The following GPHN variants were observed in gnomAD, a reference collection of about 807,000 sequenced individuals.
The protein encoded by GPHN is gephyrin.
Under a neutral mutation model 95.5 loss-of-function variants are expected in GPHN, and 17 were observed. That is an observed-to-expected ratio of 0.18 (90% confidence interval 0.12 to 0.27). The LOEUF (loss-of-function observed/expected upper bound fraction) is 0.27. GPHN is among the 10% of genes least tolerant of loss of function. GPHN has a pLI of 1.00. For missense variants in GPHN, 660 were observed against 978.1 expected, an observed-to-expected ratio of 0.67 and a Z score of 4.34; for synonymous variants, 320 against 322.5, an observed-to-expected ratio of 0.99 and a Z score of 0.08.
chr14:66,910,268 T>C (rs1478728480), intron 5 of GPHN, among the ~76,000 whole-genome samples: 1 of 152,010 alleles, frequency 6.6e-6, no homozygotes, highest in Non-Finnish European at 1.5e-5. Flanking sequence ...CTTTTTATTG[T>C]GAAAAATTTC....
At chr14:67,518,758 G>T in the GPHN span, among the ~76,000 whole-genome samples, 1 of 152,210 alleles carries the variant, frequency 6.6e-6, no homozygotes, top group Admixed American at 6.5e-5. Context: ...CTTTATGCTT[G>T]TTAGAGAGAA....
At chr14:67,577,443 G>A in the GPHN span, 211 of 1,353,360 alleles carry the variant, frequency 1.6e-4, 1 homozygote, top group African/African-American at 1.9e-3. Flanking sequence ...CAGGCCCACC[G>A]CTGGGATACT....
chr14:66,598,562 A>G (rs2062082160), intron 1 of GPHN, among the ~76,000 whole-genome samples: 1 of 152,154 alleles, frequency 6.6e-6, no homozygotes, highest in Non-Finnish European at 1.5e-5. Context: ...AGAGGTGGAA[A>G]GAGGCTGGGT....
chr14:67,473,561 G>T, the GPHN span: 5 of 1,613,552 alleles, frequency 3.1e-6, no homozygotes, highest in Admixed American at 3.3e-5. This position sits in a 1 kb window ranked among gnomAD's most constrained non-coding sequence, Gnocchi z 6.5. Context: ...ACCAGGGCAC[G>T]GCGTACTCCA....
the GPHN span, among the ~76,000 whole-genome samples, chr14:67,707,079 T>C: frequency 5.3e-5 from 8 of 152,240 alleles, no homozygotes; most frequent in Admixed American, 4.6e-4. Context: ...GTTGCTGTTA[T>C]TTTCTTCTGA....
rs1005564594 is a variant in GPHN, at chr14:67,181,494, T to G, written c.*557T>G. Reference sequence around the variant, plus strand: ...ATCCCCTGCAGAGCATCCAGGGAGGTTTCTCGCCCCAATAGCCTCACGGCA... The same window carrying G: ...ATCCCCTGCAGAGCATCCAGGGAGGGTTCTCGCCCCAATAGCCTCACGGCA... On this transcript the variant is annotated 3_prime_UTR_variant, in exon 23 of 23. Transcript: ENST00000478722. 5.8e-6 allele frequency: 3 copies of G among 517,190 alleles called. No homozygotes were observed. Among genetic ancestry groups the G allele is most frequent in the African/African-American group, 5.7e-5 (3 of 52,692 alleles). The allele number at this position is 517,190 out of a possible 1,614,324, so 32.0% of individuals were successfully genotyped here.
intron 2 of GPHN, among the ~76,000 whole-genome samples, chr14:66,766,545 G>C (rs2058968451): frequency 6.6e-6 from 1 of 151,990 alleles, no homozygotes; most frequent in African/African-American, 2.4e-5. Flanking sequence ...AATACACACA[G>C]AAAAATGAAA....
intron 16 of GPHN, among the ~76,000 whole-genome samples, chr14:67,113,659 G>GT (rs113297856): frequency 0.055 from 8,237 of 149,616 alleles, 228 homozygotes; most frequent in Middle Eastern, 0.068. Flanking sequence ...TGATAATCAG[G>GT]TTTTTTTTTT....
the GPHN span, among the ~76,000 whole-genome samples, chr14:67,609,349 G>C: frequency 1.3e-5 from 2 of 152,166 alleles, no homozygotes; most frequent in African/African-American, 4.8e-5. Context: ...TGGAAGTCTG[G>C]GAAGGTCCTG....
chr14:66,793,488 G>A (rs1249212071), intron 3 of GPHN, among the ~76,000 whole-genome samples: 1 of 152,026 alleles, frequency 6.6e-6, no homozygotes, highest in Non-Finnish European at 1.5e-5. Flanking sequence ...TGTCCTTTCG[G>A]TTTCTTTAAT....
At chr14:67,307,194 T>C in the GPHN span, among the ~76,000 whole-genome samples, 1 of 152,206 alleles carries the variant, frequency 6.6e-6, no homozygotes, top group Admixed American at 6.5e-5. Context: ...GCACATTTGA[T>C]CTAGGAAATG....
intron 12 of GPHN, among the ~76,000 whole-genome samples, chr14:67,097,682 C>T (rs1340116170): frequency 2.6e-5 from 4 of 152,106 alleles, no homozygotes; most frequent in Admixed American, 6.5e-5. Context: ...TATATACTCT[C>T]ATAAAATCAT....
chr14:67,302,523 T>G, the GPHN span: 1 of 1,591,598 alleles, frequency 6.3e-7, no homozygotes, highest in Non-Finnish European at 8.5e-7. Flanking sequence ...TAGAGATTAA[T>G]GGCATTGAAA....
rs560148877 is a variant in GPHN, at chr14:66,630,811, G to C, written c.65-50296G>C. On this transcript the variant is annotated intron_variant, in intron 1 of 22. Transcript: ENST00000478722. Reference sequence around the variant, plus strand: ...TTAACTTATATTTGTAGATTTTCTTGTCATGCCAGTTAATTACATAGTCTG... The same window carrying C: ...TTAACTTATATTTGTAGATTTTCTTCTCATGCCAGTTAATTACATAGTCTG... Among the ~76,000 whole-genome samples the C allele has an allele frequency of 1.2e-4, 18 of 152,160 alleles. No individual in the cohort carries two copies. The East Asian group carries it at 2.9e-3, about 25-fold the overall frequency.
the GPHN span, among the ~76,000 whole-genome samples, chr14:67,603,745 T>C: frequency 1.1e-4 from 17 of 152,234 alleles, no homozygotes; most frequent in Non-Finnish European, 2.5e-4. Context: ...TGGCACAATC[T>C]TGGCTCACCA....
At chr14:67,555,982 C>G in the GPHN span, 1 of 1,473,754 alleles carries the variant, frequency 6.8e-7, no homozygotes, top group African/African-American at 1.4e-5. Flanking sequence ...CATACATCAC[C>G]AGCAGTACTG....
chr14:67,045,740 T>A (rs996225026), intron 10 of GPHN, among the ~76,000 whole-genome samples: 3 of 151,728 alleles, frequency 2.0e-5, no homozygotes, highest in Non-Finnish European at 2.9e-5. Flanking sequence ...TCTCTCTCTG[T>A]CCATCTCTCT....
chr14:66,718,073 T>C (rs1012186776), intron 2 of GPHN, among the ~76,000 whole-genome samples: 1 of 152,086 alleles, frequency 6.6e-6, no homozygotes, highest in African/African-American at 2.4e-5. Flanking sequence ...AATGCCCGAG[T>C]GTACACCCTT....
intron 13 of GPHN, among the ~76,000 whole-genome samples, chr14:67,108,432 C>T (rs2078168733): frequency 6.6e-6 from 1 of 152,070 alleles, no homozygotes; most frequent in Non-Finnish European, 1.5e-5. Flanking sequence ...GCTTCTGGAC[C>T]ACAGCACAGA....
Sources: allele counts gnomAD v4.1 joint callset (sites outside exome capture counted in the v4.1 genomes callset), GRCh38; gene constraint gnomAD v4.1.1; non-coding constraint Gnocchi (gnomAD v3.1); transcripts MANE v1.5; gene names NCBI Gene and HGNC (gene_info 2026-07-23, HGNC 2026-07-21).